Variants in SETD2 observed in about 807,000 individuals in gnomAD.
SETD2 encodes the protein SET domain containing 2, histone lysine methyltransferase.
Under a neutral mutation model 242.1 loss-of-function variants are expected in SETD2, and 31 were observed. The ratio of observed to expected loss-of-function variants is 0.13; its 90% CI spans 0.10 to 0.17. The LOEUF is 0.17. SETD2 is among the 10% of genes least tolerant of loss of function. SETD2 has a pLI of 1.00. For missense variants in SETD2, 2,481 were observed against 3,046.3 expected (o/e 0.81, Z 4.37); for synonymous variants, 1,006 against 1,066.5 (o/e 0.94, Z 1.11).
In SETD2 at chr3:47,017,036, T is replaced by G. The variant is rs528415781; in HGVS notation, c.*57A>C. 13 of 1,554,278 alleles carry G rather than the reference T, an allele frequency of 8.4e-6. No individual in the cohort carries two copies. The highest frequency in any genetic ancestry group is 1.2e-5 in the Non-Finnish European group (13 of 1,130,110). ...GTGGGACAGAAAGGCCCACAGGATT[T>G]CCTCTCCCTAGAGTCTGTCTTACCT... On this transcript the variant is annotated 3_prime_UTR_variant, in exon 21 of 21. Coordinates refer to ENST00000409792, the MANE Select transcript of SETD2 (RefSeq NM_014159.7). The surrounding 1 kb of genome is among the most constrained non-coding windows in gnomAD (Gnocchi z 4.8).
rs2043751318 is a variant in SETD2, at chr3:47,142,416, A to G, written c.72-15753T>C. Among the ~76,000 whole-genome samples the G allele has an allele frequency of 6.6e-5, 10 of 152,124 alleles. 1 individual carries two copies. In the South Asian group the frequency reaches 1.9e-3, roughly 28 times the overall value. On this transcript the variant is annotated intron_variant, in intron 1 of 20. Transcript: ENST00000409792. ...CCCAGCTACTCAGGAGGCTGAGGTG[A>G]GAAGACTGCTTGAGCCCCAGAGGCC...
chr3:47,106,493 TAAAAAAAAAAAAAAAAAA>T (rs766455577), intron 5 of SETD2, among the ~76,000 whole-genome samples: 25 of 57,260 alleles, frequency 4.4e-4, no homozygotes, highest in Admixed American at 1.5e-3. Flanking sequence ...ATTTTTGCTC[TAAAAAAAAAAAAAAAAAA>T]AAAAAAAAAA....
chr3:47,158,928 T>A (rs1206969203), intron 1 of SETD2, among the ~76,000 whole-genome samples: 1 of 152,182 alleles, frequency 6.6e-6, no homozygotes, highest in Non-Finnish European at 1.5e-5. Flanking sequence ...ACAGATGTCA[T>A]CCATGTTAAA....
At chr3:47,021,362 T>C (rs571384828) in intron 18 of SETD2, among the ~76,000 whole-genome samples, 4 of 152,158 alleles carry the variant, frequency 2.6e-5, no homozygotes, top group Admixed American at 1.3e-4. Context: ...GAGGGTACTA[T>C]GTAAATAGAA....
intron 8 of SETD2, among the ~76,000 whole-genome samples, chr3:47,099,699 T>A (rs1476725003): frequency 1.3e-5 from 2 of 152,060 alleles, no homozygotes; most frequent in Non-Finnish European, 2.9e-5. Flanking sequence ...AGCCTCAATG[T>A]CCTAGGCTCA....
At chr3:47,094,481 T>C (rs2041928796) in intron 9 of SETD2, among the ~76,000 whole-genome samples, 1 of 152,242 alleles carries the variant, frequency 6.6e-6, no homozygotes, top group African/African-American at 2.4e-5. Context: ...TCTGAACTGC[T>C]AGCTATCTTG....
At chr3:47,070,401 A>G (rs1436913103) in intron 12 of SETD2, among the ~76,000 whole-genome samples, 1 of 152,176 alleles carries the variant, frequency 6.6e-6, no homozygotes, top group East Asian at 1.9e-4. Flanking sequence ...TCAAGGCTAC[A>G]TACAAAATTT....
chr3:47,021,438 T>C (rs1163373761), intron 18 of SETD2, among the ~76,000 whole-genome samples: 1 of 152,168 alleles, frequency 6.6e-6, no homozygotes. Flanking sequence ...GCACTTTTAA[T>C]AGATTTATAA....
At chr3:47,142,656 C>T (rs1575840568) in intron 1 of SETD2, among the ~76,000 whole-genome samples, 1 of 150,670 alleles carries the variant, frequency 6.6e-6, no homozygotes, top group East Asian at 1.9e-4. Context: ...AGGGGAATAC[C>T]ATATATACAT....
intron 1 of SETD2, among the ~76,000 whole-genome samples, chr3:47,149,831 G>A (rs1329567751): frequency 6.6e-6 from 1 of 152,074 alleles, no homozygotes; most frequent in Non-Finnish European, 1.5e-5. Context: ...TAAAAGGCTC[G>A]ATATAATGAA....
At chr3:47,029,610 T>C (rs1236370937) in intron 18 of SETD2, among the ~76,000 whole-genome samples, 2 of 152,204 alleles carry the variant, frequency 1.3e-5, no homozygotes, top group African/African-American at 4.8e-5. Flanking sequence ...TCTTGTTTCT[T>C]TGACCTGACA....
At chr3:47,064,609 T>G (rs567947356) in intron 13 of SETD2, 9 of 401,868 alleles carry the variant, frequency 2.2e-5, no homozygotes, top group South Asian at 1.3e-4. Context: ...GACAAGTCAT[T>G]CCATTTATTC....
At chr3:47,098,326 TTCCATTTTATGAGAA>T in intron 8 of SETD2, 1 of 300,486 alleles carries the variant, frequency 3.3e-6, no homozygotes, top group East Asian at 6.0e-5. Flanking sequence ...TAAACAATTC[TTCCATTTTATGAGAA>T]TACCTAGTAA....
intron 1 of SETD2, among the ~76,000 whole-genome samples, chr3:47,151,102 C>T (rs566512345): frequency 2.0e-5 from 3 of 152,070 alleles, no homozygotes; most frequent in African/African-American, 7.2e-5. Flanking sequence ...ACTAGGATTC[C>T]TCCATTAAAA....
rs1463242111 is a variant in SETD2 at position 47,088,306 on chromosome 3, A to G, written c.5143-59T>C. The G allele has an allele frequency of 4.5e-6, 7 of 1,544,608 alleles. No homozygotes were observed. In the African/African-American group the frequency reaches 7.0e-5, roughly 15 times the overall value. ...ACAACAACAACAAAAAAAAAAACCA[A>G]AAACCCAAAAAGTTGCTCAACCTTA... On this transcript the variant is annotated intron_variant, in intron 9 of 20. Transcript: ENST00000409792.
chr3:47,068,053 T>C (rs1397513899), intron 12 of SETD2, among the ~76,000 whole-genome samples: 1 of 152,246 alleles, frequency 6.6e-6, no homozygotes, highest in Non-Finnish European at 1.5e-5. Context: ...ACCTATTTTG[T>C]TCTTTAACAG....
chr3:47,037,280 C>CT (rs1441699736), intron 18 of SETD2, among the ~76,000 whole-genome samples: 1 of 109,884 alleles, frequency 9.1e-6, no homozygotes, highest in Non-Finnish European at 1.9e-5. Context: ...TCCCTCCCCC[C>CT]TCCCCCCCAC....
intron 5 of SETD2, among the ~76,000 whole-genome samples, chr3:47,107,983 A>T (rs1366129981): frequency 6.6e-6 from 1 of 151,972 alleles, no homozygotes; most frequent in Non-Finnish European, 1.5e-5. Context: ...CCATTGCATT[A>T]AAAAAGAAAA....
chr3:47,129,504 T>G (rs536788440), intron 1 of SETD2, among the ~76,000 whole-genome samples: 2 of 152,316 alleles, frequency 1.3e-5, no homozygotes, highest in East Asian at 3.9e-4. Flanking sequence ...CTTCCCTCCC[T>G]CATGATAGAG....
Sources: gnomAD v4.1 joint callset for allele counts (sites outside exome capture counted in the v4.1 genomes callset) on GRCh38, gnomAD v4.1.1 for gene constraint, Gnocchi (gnomAD v3.1) non-coding constraint, MANE v1.5 for transcripts, NCBI Gene and HGNC (gene_info 2026-07-23, HGNC 2026-07-21) for gene names.